SCYL2: variants seen among roughly 807,000 people sequenced by gnomAD.
SCYL2 encodes the protein SCY1-like protein 2.
A neutral mutation model predicts 100.4 loss-of-function variants in SCYL2; 36 were observed. That is an observed-to-expected ratio of 0.36 (90% CI 0.27 to 0.47). The LOEUF is 0.47. Ranked by LOEUF, SCYL2 falls within the 20% of genes least tolerant of loss-of-function variation. The pLI is 1.00. For missense variants in SCYL2, 902 were observed against 1,083.9 expected (o/e 0.83, Z 2.36); for synonymous variants, 330 against 359.2 (o/e 0.92, Z 0.92).
At chr12:100,301,712 A>C (rs1468880456) in intron 4 of SCYL2, among the ~76,000 whole-genome samples, 8 of 152,384 alleles carry the variant, frequency 5.2e-5, no homozygotes, top group African/African-American at 1.7e-4. Flanking sequence ...TGCCTTCAAG[A>C]GCCTAGGCTT....
At chr12:100,277,821 G>GT (rs941401348) in intron 1 of SCYL2, among the ~76,000 whole-genome samples, 7 of 151,092 alleles carry the variant, frequency 4.6e-5, no homozygotes, top group African/African-American at 1.5e-4. Context: ...TTACTTTAGG[G>GT]TTTTTTTTAC....
intron 17 of SCYL2, among the ~76,000 whole-genome samples, chr12:100,338,296 G>A (rs1485767774): frequency 6.6e-6 from 1 of 152,080 alleles, no homozygotes; most frequent in African/African-American, 2.4e-5. Context: ...CTTAATTGGA[G>A]TTTACAGTTA....
chr12:100,286,934 A>G (rs2096305054), intron 2 of SCYL2, among the ~76,000 whole-genome samples: 1 of 152,162 alleles, frequency 6.6e-6, no homozygotes, highest in South Asian at 2.1e-4. Context: ...CATTCTTCTC[A>G]GCAACTTATT....
intron 1 of SCYL2, among the ~76,000 whole-genome samples, chr12:100,268,769 C>A (rs2096283344): frequency 6.6e-6 from 1 of 152,178 alleles, no homozygotes; most frequent in Non-Finnish European, 1.5e-5. Context: ...CCTTCCCCCA[C>A]CCCAAGAAGA....
intron 1 of SCYL2, among the ~76,000 whole-genome samples, chr12:100,276,672 T>C (rs1468214119): frequency 2.0e-5 from 3 of 152,192 alleles, no homozygotes; most frequent in Non-Finnish European, 4.4e-5. Context: ...AGAGTTTTAC[T>C]GATTTCATTG....
intron 3 of SCYL2, among the ~76,000 whole-genome samples, chr12:100,295,259 G>A (rs918368421): frequency 1.3e-5 from 2 of 151,190 alleles, no homozygotes; most frequent in African/African-American, 2.4e-5. Context: ...GACGATGGGC[G>A]GCCAGGCAGA....
At chr12:100,311,997 TG>T (rs1167992033) in intron 5 of SCYL2, among the ~76,000 whole-genome samples, 1 of 152,164 alleles carries the variant, frequency 6.6e-6, no homozygotes, top group East Asian at 1.9e-4. Flanking sequence ...ATATCATGAG[TG>T]GGTCAGACAC....
chr12:100,294,327 C>T (rs1285103839), intron 3 of SCYL2, among the ~76,000 whole-genome samples: 11 of 111,252 alleles, frequency 9.9e-5, no homozygotes, highest in East Asian at 3.0e-4. Flanking sequence ...CCAGTAGGGG[C>T]GGCTGGGCAG....
chr12:100,338,642 A>C lies in SCYL2; in HGVS notation c.2260A>C (p.Ile754Leu), dbSNP rs765554271. The C allele has an allele frequency of 9.9e-6, 16 of 1,613,936 alleles. No homozygotes were observed. Among genetic ancestry groups the C allele is most frequent in the Admixed American group, 1.7e-5 (1 of 60,006 alleles). Residue 754 changes from isoleucine to leucine, a missense_variant, in exon 18 of 18, where the codon ATT becomes CTT. Transcript: ENST00000360820. ...STFTSVPSMG[I>L]GMMFSTPTDN... ...TTTCACTTCTGTTCCTTCCATGGGC[A>C]TTGGTATGATGTTTTCTACACCAAC...
chr12:100,296,056 G>A (rs534732758), intron 3 of SCYL2, among the ~76,000 whole-genome samples: 1 of 152,326 alleles, frequency 6.6e-6, no homozygotes, highest in Admixed American at 6.5e-5. Context: ...CTCTTGAGGG[G>A]AGAAGGACTA....
rs1566335675 is a variant in SCYL2, at chr12:100,267,784, T to C, written c.-37T>C. On this transcript the variant is annotated 5_prime_UTR_variant, in exon 1 of 18. Coordinates refer to ENST00000360820, the MANE Select transcript of SCYL2 (RefSeq NM_017988.6). ...CTTTCGGGGACATTGGACACTACTCTAGGACCGGGTGAGAGAGTTCACCTC... is the reference window on the plus strand; with the variant it reads ...CTTTCGGGGACATTGGACACTACTCCAGGACCGGGTGAGAGAGTTCACCTC... 6.6e-6 allele frequency: 1 copy of C among 152,042 alleles called. No individual in the cohort carries two copies. The highest frequency in any genetic ancestry group is 1.5e-5 in the Non-Finnish European group (1 of 68,022). The allele number at this position is 152,042 out of a possible 1,614,324, so 9.4% of individuals were successfully genotyped here. A position where few individuals can be genotyped will look rare whatever the true frequency, so the allele number is the denominator to read the frequency against.
At chr12:100,282,188 CTAATTTTTG>C (rs1171189227) in intron 1 of SCYL2, among the ~76,000 whole-genome samples, 1 of 151,580 alleles carries the variant, frequency 6.6e-6, no homozygotes, top group African/African-American at 2.4e-5. Flanking sequence ...CCATGCCTGG[CTAATTTTTG>C]TAATTTTTGT....
At chr12:100,304,273 T>A (rs2135883146) in intron 4 of SCYL2, among the ~76,000 whole-genome samples, 1 of 151,798 alleles carries the variant, frequency 6.6e-6, no homozygotes, top group South Asian at 2.1e-4. Context: ...AACGGTTCTG[T>A]CTCGCTGGAG....
chr12:100,335,722 A>G (rs371124818), intron 15 of SCYL2, 31 bp downstream of exon 15: 11 of 1,596,540 alleles, frequency 6.9e-6, no homozygotes, highest in African/African-American at 2.7e-5. Flanking sequence ...TGCAGAAAGT[A>G]TGCTTCATCT....
intron 2 of SCYL2, among the ~76,000 whole-genome samples, chr12:100,287,121 G>GT (rs2096305250): frequency 1.3e-5 from 2 of 152,210 alleles, no homozygotes; most frequent in Admixed American, 1.3e-4. Context: ...GCCACCTCTG[G>GT]TGCCTCTGAG....
chr12:100,275,042 C>T (rs1319407880), intron 1 of SCYL2, among the ~76,000 whole-genome samples: 1 of 152,038 alleles, frequency 6.6e-6, no homozygotes, highest in Non-Finnish European at 1.5e-5. Context: ...TATATCGTTC[C>T]ATTTATTTAG....
chr12:100,335,957 T>C, intron 16 of SCYL2, 51 bp downstream of exon 16: 1 of 1,325,338 alleles, frequency 7.5e-7, no homozygotes, highest in Non-Finnish European at 1.1e-6. Context: ...CTGTAGGACT[T>C]CCTGTAAACC....
chr12:100,334,178 A>G lies in SCYL2; in HGVS notation c.1774A>G (p.Ile592Val). The change falls in exon 14 of 18, where the codon ATT becomes GTT. Residue 592 changes from isoleucine (I) to valine (V), a missense_variant. Ile to Val is a conservative substitution (Grantham distance 29). Coordinates refer to ENST00000360820, the MANE Select transcript of SCYL2 (RefSeq NM_017988.6). ...NLNLNQFNSF[I>V]SVIKEMLNRL... ...CTCATTATACCAGTTCAATTCTTTC[A>G]TTTCCGTCATAAAAGAAATGCTTAA... The G allele has an allele frequency of 6.3e-7, 1 of 1,592,924 alleles. No individual in the cohort carries two copies.
chr12:100,268,084 C>A (rs1436139708), intron 1 of SCYL2, among the ~76,000 whole-genome samples: 1 of 152,154 alleles, frequency 6.6e-6, no homozygotes, highest in Non-Finnish European at 1.5e-5. Flanking sequence ...ATTAAGGAGG[C>A]CATATTATCA....
Sources: allele counts gnomAD v4.1 joint callset (sites outside exome capture counted in the v4.1 genomes callset), GRCh38; gene constraint gnomAD v4.1.1; transcripts MANE v1.5; gene names NCBI Gene and HGNC (gene_info 2026-07-23, HGNC 2026-07-21).